UBR2: variants seen among roughly 807,000 people sequenced by gnomAD.
The protein encoded by UBR2 is E3 ubiquitin-protein ligase UBR2.
Under a neutral mutation model 247.9 loss-of-function variants are expected in UBR2, and 92 were observed. The ratio of observed to expected loss-of-function variants is 0.37; its 90% CI spans 0.31 to 0.44. The LOEUF is 0.44. UBR2 is among the 20% of genes least tolerant of loss of function. UBR2 has a pLI of 1.00. For missense variants in UBR2, 1,613 were observed against 2,112.6 expected (o/e 0.76, Z 4.64); for synonymous variants, 672 against 693.5 (o/e 0.97, Z 0.49).
chr6:42,616,942 G>A (rs1202798558), intron 10 of UBR2, among the ~76,000 whole-genome samples: 1 of 152,170 alleles, frequency 6.6e-6, no homozygotes, highest in Admixed American at 6.6e-5. Context: ...GTGTAATGCT[G>A]CTGTGGTTTA....
At chr6:42,679,647 C>T (rs1798914961) in intron 41 of UBR2, 77 bp from the exon 42 acceptor site, 2 of 1,049,554 alleles carry the variant, frequency 1.9e-6, no homozygotes, top group African/African-American at 1.6e-5. Flanking sequence ...TTTTTTTAAA[C>T]TCTGCTATTG....
Position 42,691,448 on chromosome 6 carries a change from C to G in UBR2, c.*275C>G, listed in dbSNP as rs948472233. The G allele has an allele frequency of 2.5e-5, 11 of 440,970 alleles. No individual in the cohort carries two copies. The highest frequency in any genetic ancestry group is 1.8e-4 in the African/African-American group (9 of 49,912). The allele number at this position is 440,970 out of a possible 1,614,324, so 27.3% of individuals were successfully genotyped here. ...TGGATCCCAGCCCCTTTGTGGGGGT[C>G]TGACTGCATAGTCCCAGCCATTATG... On this transcript the variant is annotated 3_prime_UTR_variant, in exon 47 of 47. Coordinates refer to ENST00000372901, the MANE Select transcript of UBR2 (RefSeq NM_001363705.2).
rs1326793003 is a variant in UBR2 at position 42,646,818 on chromosome 6, T to TAG, written c.2409+1229_2409+1230insGA. ...TTATATATATATGTTTATATATATA[T>TAG]ATAGAGAGAGAGAGAGAGAGAGAGA... On this transcript the variant is annotated intron_variant, in intron 21 of 46. Transcript: ENST00000372901. 3.2e-4 allele frequency among the ~76,000 whole-genome samples: 47 copies of TAG among 148,896 alleles called. No individual in the cohort carries two copies. The East Asian group carries it at 3.3e-3, about 11-fold the overall frequency.
intron 22 of UBR2, among the ~76,000 whole-genome samples, chr6:42,649,229 A>G (rs1420177624): frequency 6.6e-6 from 1 of 152,106 alleles, no homozygotes; most frequent in Non-Finnish European, 1.5e-5. Context: ...GCTGGTCTCA[A>G]ACTCCTAACT....
chr6:42,624,423 G>A (rs1185157997), intron 11 of UBR2, among the ~76,000 whole-genome samples: 1 of 151,980 alleles, frequency 6.6e-6, no homozygotes, highest in Admixed American at 6.6e-5. Context: ...AAAGTGTTGG[G>A]ATTACAGGTG....
rs35416750 is a variant in UBR2 at position 42,658,826 on chromosome 6, TAA to T, written c.3242+21_3242+22del. The T allele has an allele frequency of 0.073, 90,494 of 1,243,234 alleles. 1 individual carries two copies. The highest frequency in any genetic ancestry group is 0.11 in the South Asian group (5,608 of 50,942). The allele number at this position is 1,243,234 out of a possible 1,614,324, so 77.0% of individuals were successfully genotyped here. A position where few individuals can be genotyped will look rare whatever the true frequency, so the allele number is the denominator to read the frequency against. On this transcript the variant is annotated splice_donor_region_variant and intron_variant, in intron 29 of 46. Coordinates refer to ENST00000372901, the MANE Select transcript of UBR2 (RefSeq NM_001363705.2). ...AACCTCTGCTGTTCTTGATCATAGG[TAA>T]AAAAAAAAAAAAAAAAAATTAATGT...
At chr6:42,614,391 C>T (rs879620009) in intron 8 of UBR2, among the ~76,000 whole-genome samples, 4 of 127,628 alleles carry the variant, frequency 3.1e-5, no homozygotes, top group Admixed American at 1.6e-4. Context: ...TATGTATGTA[C>T]GTACATACAT....
At chr6:42,609,881 G>A (rs1206729130) in intron 7 of UBR2, among the ~76,000 whole-genome samples, 1 of 146,362 alleles carries the variant, frequency 6.8e-6, no homozygotes, top group East Asian at 2.0e-4. Flanking sequence ...GGGCAACAGA[G>A]TGAAACCCTG....
intron 4 of UBR2, among the ~76,000 whole-genome samples, chr6:42,602,537 A>G (rs1793449244): frequency 6.6e-6 from 1 of 151,728 alleles, no homozygotes; most frequent in Non-Finnish European, 1.5e-5. Context: ...CATTTGTTTT[A>G]TATCAGTTCC....
At position 42,644,551 on chromosome 6, in the gene UBR2, T is replaced by C. The variant is rs559601479; in HGVS notation, c.2284+15T>C. 1 of 1,594,684 alleles carries C rather than the reference T, an allele frequency of 6.3e-7. No individual in the cohort carries two copies. The highest frequency in any genetic ancestry group is 1.1e-5 in the South Asian group (1 of 89,582). On this transcript the variant is annotated intron_variant, in intron 20 of 46. Coordinates refer to ENST00000372901, the MANE Select transcript of UBR2 (RefSeq NM_001363705.2). ...AATGCTTGTTGGTAAGTTTAAATTG[T>C]TTGAGGCATTTAATAAATTACACTG...
intron 11 of UBR2, 78 bp from the exon 12 acceptor site, chr6:42,632,474 A>C: frequency 7.6e-7 from 1 of 1,315,178 alleles, no homozygotes; most frequent in South Asian, 1.8e-5. Context: ...GGAGCTAAAC[A>C]ATGTTGGTGA....
Position 42,601,875 on chromosome 6 carries a change from C to CT in UBR2, c.532-1699dup, listed in dbSNP as rs534921007. 8.3e-3 allele frequency among the ~76,000 whole-genome samples: 991 copies of CT among 120,060 alleles called. 92 individuals are homozygous for CT. The highest frequency in any genetic ancestry group is 0.024 in the African/African-American group (767 of 31,482). 78.8% of individuals were successfully genotyped at this position (120,060 alleles called of 152,430 possible). A position where few individuals can be genotyped will look rare whatever the true frequency, so the allele number is the denominator to read the frequency against. Reference sequence around the variant, plus strand: ...CTTTTTTCTCCATTCTTTTTTTTTTCTTTTTTTTTTTTTTGATGGAGTTTT... The same window carrying CT: ...CTTTTTTCTCCATTCTTTTTTTTTTCTTTTTTTTTTTTTTTGATGGAGTTTT... On this transcript the variant is annotated intron_variant, in intron 4 of 46. Coordinates refer to ENST00000372901, the MANE Select transcript of UBR2 (RefSeq NM_001363705.2).
rs1015061054 is a variant in UBR2, at chr6:42,678,390, A to G, written c.4479-149A>G. The stretch of plus-strand genomic sequence containing the variant: ...TGTCACCACTTACACCTGGCATCCT[A>G]TAATAACACACACCCACTTGCCTGT... On this transcript the variant is annotated intron_variant, in intron 40 of 46. Coordinates refer to ENST00000372901, the MANE Select transcript of UBR2 (RefSeq NM_001363705.2). 6 of 762,806 alleles carry G rather than the reference A, an allele frequency of 7.9e-6. No individual in the cohort carries two copies. In the East Asian group the frequency reaches 8.8e-5, roughly 11 times the overall value. The allele number at this position is 762,806 out of a possible 1,614,324, so 47.3% of individuals were successfully genotyped here. A position where few individuals can be genotyped will look rare whatever the true frequency, so the allele number is the denominator to read the frequency against.
chr6:42,693,385 T>C lies in UBR2; in HGVS notation c.*2212T>C, dbSNP rs1359459472. On this transcript the variant is annotated 3_prime_UTR_variant, in exon 47 of 47. Transcript: ENST00000372901. ...CATACGCTTTCCATATCAGGGAAAA[T>C]CATATCTGTTTAATAAATTGGCTAT... 6.6e-6 allele frequency: 1 copy of C among 152,220 alleles called. No homozygotes were observed. Among genetic ancestry groups the C allele is most frequent in the Non-Finnish European group, 1.5e-5 (1 of 68,026 alleles). 9.4% of individuals were successfully genotyped at this position (152,220 alleles called of 1,614,324 possible). A position where few individuals can be genotyped will look rare whatever the true frequency, so the allele number is the denominator to read the frequency against.
chr6:42,594,991 TTA>T (rs1294240900), intron 4 of UBR2, among the ~76,000 whole-genome samples: 2 of 152,188 alleles, frequency 1.3e-5, no homozygotes, highest in African/African-American at 4.8e-5. Flanking sequence ...CTACAATAGA[TTA>T]TGTTTTATTA....
chr6:42,652,709 T>A, intron 25 of UBR2, 64 bp downstream of exon 25: 2 of 1,459,562 alleles, frequency 1.4e-6, no homozygotes, highest in Non-Finnish European at 1.9e-6. Context: ...AATATTCTTG[T>A]CTGTATCTAT....
chr6:42,678,521 CTT>C lies in UBR2; in HGVS notation c.4479-11_4479-10del, dbSNP rs746883159. The stretch of plus-strand genomic sequence containing the variant: ...TTTTCTTAGTAGATTTCCCAATAAT[CTT>C]TTTTTTCTTTTTTAGTGCCTTGAAA... On this transcript the variant is annotated splice_polypyrimidine_tract_variant and intron_variant, in intron 40 of 46. Coordinates refer to ENST00000372901, the MANE Select transcript of UBR2 (RefSeq NM_001363705.2). The C allele has an allele frequency of 6.3e-7, 1 of 1,596,348 alleles. No individual in the cohort carries two copies. The highest frequency in any genetic ancestry group is 8.5e-7 in the Non-Finnish European group (1 of 1,175,302).
At chr6:42,594,338 A>C (rs751590424) in intron 4 of UBR2, 34 bp downstream of exon 4, 1 of 1,539,796 alleles carries the variant, frequency 6.5e-7, no homozygotes, top group South Asian at 1.1e-5. Flanking sequence ...TTTTTAACCC[A>C]AGTTTGAAAT....
intron 36 of UBR2, among the ~76,000 whole-genome samples, chr6:42,671,387 G>T (rs967684584): frequency 7.7e-5 from 11 of 141,952 alleles, no homozygotes; most frequent in Admixed American, 7.5e-5. Context: ...TCTAGGCTGT[G>T]CAACAGCACA....
Sources: gnomAD v4.1 joint callset for allele counts (sites outside exome capture counted in the v4.1 genomes callset) on GRCh38, gnomAD v4.1.1 for gene constraint, MANE v1.5 for transcripts, NCBI Gene and HGNC (gene_info 2026-07-23, HGNC 2026-07-21) for gene names.